The following PTPN13 variants were observed in gnomAD, a reference collection of about 807,000 sequenced individuals.
PTPN13 encodes tyrosine-protein phosphatase non-receptor type 13.
PTPN13 carries 191 observed loss-of-function variants against 284.0 expected under a neutral mutation model. The ratio of observed to expected loss-of-function variants is 0.67; its 90% CI spans 0.60 to 0.76. PTPN13 has a LOEUF of 0.76. Ranked by LOEUF, PTPN13 falls within the 30% of genes least tolerant of loss-of-function variation. The pLI, the probability that PTPN13 is intolerant of heterozygous loss-of-function variation, is 0.00. For synonymous variants in PTPN13, 986 were observed against 1,022.3 expected (o/e 0.96, Z 0.68); for missense variants, 2,797 against 2,939.9 (o/e 0.95, Z 1.12).
intron 3 of PTPN13, among the ~76,000 whole-genome samples, chr4:86,684,338 G>A (rs1729216851): frequency 1.3e-5 from 2 of 152,076 alleles, no homozygotes; most frequent in Non-Finnish European, 1.5e-5. Flanking sequence ...AACAGCTCAC[G>A]AAAAGCTGAG....
chr4:86,769,974 A>G lies in PTPN13; in HGVS notation c.4695A>G (p.Leu1565=). The G allele has an allele frequency of 1.9e-6, 3 of 1,613,922 alleles. No homozygotes were observed. The highest frequency in any genetic ancestry group is 1.7e-6 in the Non-Finnish European group (2 of 1,179,858). ...LKVNGASLKG[L]SQQEVISALR... is the part of the protein sequence containing the mutation. ...TGAATGGAGCCTCTTTGAAAGGACT[A>G]TCTCAGCAGGTGAGCCCCTAGCATG... The change falls in exon 29 of 48, where the codon CTA becomes CTG. Residue 1565 remains leucine (L), a synonymous_variant. Transcript: ENST00000411767.
intron 1 of PTPN13, among the ~76,000 whole-genome samples, chr4:86,609,548 G>A (rs138853135): frequency 1.3e-5 from 2 of 152,030 alleles, no homozygotes; most frequent in South Asian, 2.1e-4. Context: ...ATGTACCCTC[G>A]TAGTATGCTA....
intron 7 of PTPN13, among the ~76,000 whole-genome samples, chr4:86,704,047 G>T (rs1157682583): frequency 6.6e-6 from 1 of 152,020 alleles, no homozygotes; most frequent in African/African-American, 2.4e-5. Context: ...GCATGGTGGT[G>T]CATGCCTGTA....
intron 41 of PTPN13, among the ~76,000 whole-genome samples, chr4:86,798,691 C>T (rs1282958019): frequency 6.6e-6 from 1 of 152,130 alleles, no homozygotes; most frequent in Non-Finnish European, 1.5e-5. Flanking sequence ...TAGCAAAAGG[C>T]TATACCCATC....
chr4:86,701,755 G>C lies in PTPN13; in HGVS notation c.1149G>C (p.Glu383Asp). The change falls in exon 7 of 48, where the codon GAG (glutamate) becomes GAC (aspartate). Residue 383 changes from glutamate to aspartate, a missense_variant. Glu to Asp is a conservative substitution (Grantham distance 45). Transcript: ENST00000411767. The part of the protein sequence containing the change: ...AISSALDRIR[E>D]RQKKLQVLRE... ...CAAGTGCTTTGGACCGAATCCGAGA[G>C]AGACAAAAGAAACTTCAGGTTCTGA... is the stretch of plus-strand genomic sequence containing the variant. The C allele has an allele frequency of 1.2e-6, 2 of 1,613,448 alleles. No homozygotes were observed. The highest frequency in any genetic ancestry group is 2.2e-5 in the South Asian group (2 of 90,910).
intron 1 of PTPN13, among the ~76,000 whole-genome samples, chr4:86,621,652 C>G (rs1205833902): frequency 1.3e-5 from 2 of 151,896 alleles, no homozygotes; most frequent in African/African-American, 4.8e-5. Context: ...TGGGTGTTGC[C>G]CCAGACCTTT....
chr4:86,629,630 T>C (rs1410764166), intron 1 of PTPN13, among the ~76,000 whole-genome samples: 2 of 152,204 alleles, frequency 1.3e-5, no homozygotes, highest in African/African-American at 4.8e-5. Flanking sequence ...TACAAAAACA[T>C]TGGCTAACTG....
chr4:86,702,653 C>G (rs1177838413), intron 7 of PTPN13, among the ~76,000 whole-genome samples: 2 of 151,880 alleles, frequency 1.3e-5, no homozygotes, highest in East Asian at 3.8e-4. Flanking sequence ...AAAATTATGT[C>G]CAAGACATAT....
At position 86,722,396 on chromosome 4, in the gene PTPN13, A is replaced by G. The variant is rs764918175; in HGVS notation, c.1570A>G (p.Ile524Val). The G allele has an allele frequency of 1.2e-6, 2 of 1,613,780 alleles. No homozygotes were observed. The highest frequency in any genetic ancestry group is 3.3e-5 in the Admixed American group (2 of 60,014). Residue 524 changes from isoleucine (I) to valine (V), a missense_variant, in exon 10 of 48, where the codon ATT (isoleucine) becomes GTT (valine). Coordinates refer to ENST00000411767, the MANE Select transcript of PTPN13 (RefSeq NM_080683.3). ...LDITRDPLRE[I>V]ALETAMTQRK... ...CATCACCAGGGATCCGTTAAGAGAA[A>G]TTGCCCTAGAAACAGCCATGACTCA... is the stretch of plus-strand genomic sequence containing the variant.
At position 86,782,203 on chromosome 4, in the gene PTPN13, T is replaced by A. The variant is rs774663765; in HGVS notation, c.5965T>A (p.Ser1989Thr). ...SAPKSTKGNG[S>T]YSVGSCSQPA... ...TACTTCCTATATTGTCCTTTCAGGTTCCTACAGTGTGGGGTCTTGCAGCCA... is the reference window on the plus strand; with the variant it reads ...TACTTCCTATATTGTCCTTTCAGGTACCTACAGTGTGGGGTCTTGCAGCCA... The change falls in exon 37 of 48, where the codon TCC (serine) becomes ACC (threonine). Residue 1989 changes from serine to threonine, a missense_variant and splice_region_variant. Ser to Thr is a moderately conservative substitution (Grantham distance 58). Coordinates refer to ENST00000411767, the MANE Select transcript of PTPN13 (RefSeq NM_080683.3). The A allele has an allele frequency of 6.2e-7, 1 of 1,602,034 alleles. No homozygotes were observed. The highest frequency in any genetic ancestry group is 8.6e-7 in the Non-Finnish European group (1 of 1,169,206).
intron 1 of PTPN13, among the ~76,000 whole-genome samples, chr4:86,602,722 T>G (rs1169149351): frequency 6.6e-6 from 1 of 151,436 alleles, no homozygotes; most frequent in Non-Finnish European, 1.5e-5. Flanking sequence ...AGACAAGGTC[T>G]CAGTCACTCA....
chr4:86,742,976 G>T (rs571937557), intron 16 of PTPN13, among the ~76,000 whole-genome samples: 3 of 152,076 alleles, frequency 2.0e-5, no homozygotes, highest in Non-Finnish European at 2.9e-5. Context: ...GCATTCCCAT[G>T]GAAATTATTC....
At chr4:86,760,040 A>G (rs191406245) in intron 23 of PTPN13, among the ~76,000 whole-genome samples, 14 of 152,294 alleles carry the variant, frequency 9.2e-5, no homozygotes, top group African/African-American at 3.1e-4. Context: ...AAACATGAAC[A>G]TGTTATATGT....
intron 1 of PTPN13, among the ~76,000 whole-genome samples, chr4:86,596,409 C>A (rs1225485323): frequency 1.3e-5 from 2 of 152,166 alleles, no homozygotes; most frequent in Non-Finnish European, 2.9e-5. Flanking sequence ...AAGTAACATA[C>A]ACGCACACCA....
In PTPN13 at chr4:86,656,953, G is replaced by A. The variant is rs182401255; in HGVS notation, c.116-15412G>A. Among the ~76,000 whole-genome samples, 85 of 152,290 alleles carry A rather than the reference G, an allele frequency of 5.6e-4. 1 individual carries two copies. The highest frequency in any genetic ancestry group is 7.8e-4 in the Admixed American group (12 of 15,306). On this transcript the variant is annotated intron_variant, in intron 2 of 47. Transcript: ENST00000411767. Reference sequence around the variant, plus strand: ...GCGCCCATCCCCGAGCCTCGCTGCCGCCTTGCAGTTTGATCTCAGACTGCT... The same window carrying A: ...GCGCCCATCCCCGAGCCTCGCTGCCACCTTGCAGTTTGATCTCAGACTGCT...
In PTPN13 at chr4:86,725,897, C is replaced by G. The variant is rs976138289; in HGVS notation, c.1608+3463C>G. On this transcript the variant is annotated intron_variant, in intron 10 of 47. Coordinates refer to ENST00000411767, the MANE Select transcript of PTPN13 (RefSeq NM_080683.3). The stretch of plus-strand genomic sequence containing the variant: ...GTTAGTCATGAAGTCCTTACCCATC[C>G]CCATGTCCTGAATGGTATTGCCTAG... Among the ~76,000 whole-genome samples the G allele has an allele frequency of 6.7e-5, 10 of 149,528 alleles. No homozygotes were observed. In the East Asian group the frequency reaches 1.9e-3, roughly 29 times the overall value.
At chr4:86,650,594 C>T (rs1724974027) in intron 2 of PTPN13, among the ~76,000 whole-genome samples, 1 of 152,194 alleles carries the variant, frequency 6.6e-6, no homozygotes, top group Non-Finnish European at 1.5e-5. Flanking sequence ...TAAATCATTG[C>T]ACCCAGCCTG....
chr4:86,691,256 A>G (rs1210202790), intron 5 of PTPN13, among the ~76,000 whole-genome samples: 2 of 152,208 alleles, frequency 1.3e-5, no homozygotes, highest in Admixed American at 1.3e-4. Context: ...AAAATTAAAA[A>G]TAGCACTTCG....
chr4:86,750,431 G>A (rs1344076878), intron 17 of PTPN13, 39 bp from the exon 18 acceptor site: 2 of 1,506,292 alleles, frequency 1.3e-6, no homozygotes, highest in Non-Finnish European at 1.8e-6. Flanking sequence ...AAAGTACTGT[G>A]GCGTTACCAT....
Sources: gnomAD v4.1 joint callset for allele counts (sites outside exome capture counted in the v4.1 genomes callset) on GRCh38, gnomAD v4.1.1 for gene constraint, MANE v1.5 for transcripts, NCBI Gene and HGNC (gene_info 2026-07-23, HGNC 2026-07-21) for gene names.